The following DCDC1 variants were observed in gnomAD, a reference collection of about 807,000 sequenced individuals.
DCDC1 encodes doublecortin domain containing 1, also known as doublecortin domain-containing protein 1.
In DCDC1, 200 loss-of-function variants were observed where a neutral mutation model predicts 178.3. The observed-to-expected ratio is 1.12, with a 90% CI of 1.00 to 1.26. The LOEUF (loss-of-function observed/expected upper bound fraction) is 1.26. DCDC1 is among the 50% of genes most tolerant of loss of function. The pLI is 0.00. For missense variants in DCDC1, 1,983 were observed against 1,749.2 expected, an observed-to-expected ratio of 1.13 and a Z score of -2.38; for synonymous variants, 690 against 604.8, an observed-to-expected ratio of 1.14 and a Z score of -2.07.
chr11:31,217,113 A>G (rs1381736173), intron 9 of DCDC1, among the ~76,000 whole-genome samples: 3 of 152,098 alleles, frequency 2.0e-5, no homozygotes, highest in Admixed American at 6.5e-5. Flanking sequence ...CAACAGGGAG[A>G]GGGAGATGAT....
At chr11:30,950,897 G>A (rs1455844400) in intron 21 of DCDC1, among the ~76,000 whole-genome samples, 2 of 151,988 alleles carry the variant, frequency 1.3e-5, no homozygotes, top group African/African-American at 2.4e-5. Context: ...AATGCTTGAG[G>A]TGATGGATAC....
chr11:31,327,001 A>G (rs148107960), intron 3 of DCDC1, among the ~76,000 whole-genome samples: 1 of 152,164 alleles, frequency 6.6e-6, no homozygotes, highest in East Asian at 1.9e-4. Context: ...CAGTTCTGAT[A>G]AATGCTGTAG....
rs533289515 is a variant in DCDC1, at chr11:30,936,180, T to C, written c.2716-4228A>G. Among the ~76,000 whole-genome samples the C allele has an allele frequency of 1.9e-3, 283 of 152,268 alleles. 2 individuals are homozygous for C. Among genetic ancestry groups the C allele is most frequent in the African/African-American group, 6.7e-3 (277 of 41,554 alleles). On this transcript the variant is annotated intron_variant, in intron 21 of 38. Transcript: ENST00000684477. ...CTGAGGGATGACAGGGTGGAGGATA[T>C]GGCCAGTATATAATTTCTTAAAAAT...
At chr11:30,932,950 A>C (rs1381920187) in intron 21 of DCDC1, among the ~76,000 whole-genome samples, 1 of 151,672 alleles carries the variant, frequency 6.6e-6, no homozygotes, top group Non-Finnish European at 1.5e-5. Flanking sequence ...GGAAGGGATG[A>C]TCAGTGATGA....
intron 1 of DCDC1, among the ~76,000 whole-genome samples, chr11:31,350,718 A>G (rs1364943578): frequency 1.3e-5 from 2 of 152,124 alleles, no homozygotes; most frequent in African/African-American, 4.8e-5. Context: ...CTTAACAGGT[A>G]ATATGTGACA....
Position 31,066,780 on chromosome 11 carries a change from T to A in DCDC1, c.2299-1627A>T, listed in dbSNP as rs189897056. 2.6e-4 allele frequency among the ~76,000 whole-genome samples: 39 copies of A among 152,258 alleles called. No homozygotes were observed. The East Asian group carries it at 7.1e-3, about 28-fold the overall frequency. On this transcript the variant is annotated intron_variant, in intron 18 of 38. Coordinates refer to ENST00000684477, the MANE Select transcript of DCDC1 (RefSeq NM_001387274.1). Reference sequence around the variant, plus strand: ...TAAACTATTCTGTATAATACTATAATGGTGGATATATGTCATTATACATTA... The same window carrying A: ...TAAACTATTCTGTATAATACTATAAAGGTGGATATATGTCATTATACATTA...
At chr11:31,277,972 T>C (rs1316961891) in intron 7 of DCDC1, among the ~76,000 whole-genome samples, 1 of 152,146 alleles carries the variant, frequency 6.6e-6, no homozygotes, top group African/African-American at 2.4e-5. Flanking sequence ...AATATTTGCC[T>C]ACCCAAGGTT....
At chr11:31,038,359 T>C (rs1408815864) in intron 20 of DCDC1, among the ~76,000 whole-genome samples, 1 of 152,198 alleles carries the variant, frequency 6.6e-6, no homozygotes, top group Non-Finnish European at 1.5e-5. Context: ...TTTATTTTCT[T>C]GATTGCTTAC....
chr11:31,135,197 G>T (rs1962977239), intron 10 of DCDC1, among the ~76,000 whole-genome samples: 1 of 152,104 alleles, frequency 6.6e-6, no homozygotes. Context: ...TGGGTTTTGA[G>T]AATTATCTAA....
At chr11:31,341,381 T>TGA (rs1950528476) in intron 1 of DCDC1, among the ~76,000 whole-genome samples, 1 of 116,366 alleles carries the variant, frequency 8.6e-6, no homozygotes, top group African/African-American at 3.5e-5. Context: ...AATTCCAGTT[T>TGA]TATAGATAGA....
At chr11:30,897,582 CAAA>C (rs35815662) in intron 34 of DCDC1, among the ~76,000 whole-genome samples, 11 of 72,950 alleles carry the variant, frequency 1.5e-4, no homozygotes, top group African/African-American at 4.9e-4. Context: ...GACTCCGTCT[CAAA>C]AAAAAAAAAA....
At position 31,321,770 on chromosome 11, in the gene DCDC1, T is replaced by C. The variant is rs113969195; in HGVS notation, c.164+6347A>G. ...TCAAAAAATAAATATTTAATAAATG[T>C]TGATCTCAACTCAGAACTTACATTT... On this transcript the variant is annotated intron_variant, in intron 3 of 38. Coordinates refer to ENST00000684477, the MANE Select transcript of DCDC1 (RefSeq NM_001387274.1). 2.1e-3 allele frequency among the ~76,000 whole-genome samples: 320 copies of C among 152,352 alleles called. 2 individuals are homozygous for C. Among genetic ancestry groups the C allele is most frequent in the African/African-American group, 7.3e-3 (303 of 41,588 alleles).
In DCDC1 at chr11:31,262,931, G is replaced by C. The variant is rs567321765; in HGVS notation, c.1054+2576C>G. The C allele has an allele frequency of 3.9e-5, 40 of 1,037,248 alleles. No individual in the cohort carries two copies. The Middle Eastern group carries it at 6.4e-4, about 17-fold the overall frequency. The allele number at this position is 1,037,248 out of a possible 1,614,324, so 64.3% of individuals were successfully genotyped here. On this transcript the variant is annotated intron_variant, in intron 8 of 38. Transcript: ENST00000684477. Reference sequence around the variant, plus strand: ...CACAGGCTAATTTCAGCTGGCATAAGCTTTTATAAGGATGCAAAAACAGAG... The same window carrying C: ...CACAGGCTAATTTCAGCTGGCATAACCTTTTATAAGGATGCAAAAACAGAG...
intron 11 of DCDC1, among the ~76,000 whole-genome samples, chr11:31,114,983 A>T (rs886578318): frequency 3.9e-5 from 6 of 152,150 alleles, no homozygotes; most frequent in Admixed American, 6.6e-5. Context: ...TATTAGCAGG[A>T]CTGGAAAATA....
intron 18 of DCDC1, among the ~76,000 whole-genome samples, chr11:31,071,648 A>G (rs1395155718): frequency 6.6e-6 from 1 of 152,156 alleles, no homozygotes; most frequent in Non-Finnish European, 1.5e-5. Context: ...ATTCAGTCAC[A>G]TCATGGCCCT....
chr11:31,312,669 C>T (rs1335973496), intron 3 of DCDC1: 25 of 152,194 alleles, frequency 1.6e-4, no homozygotes, highest in Non-Finnish European at 1.5e-5. Flanking sequence ...GTTCTGGTCA[C>T]TCTTGTTTCT....
At chr11:31,354,982 T>G (rs1411862843) in intron 1 of DCDC1, among the ~76,000 whole-genome samples, 1 of 151,908 alleles carries the variant, frequency 6.6e-6, no homozygotes, top group African/African-American at 2.4e-5. Flanking sequence ...TTAATTCAAC[T>G]AAGTGGTGTT....
In DCDC1 at chr11:31,041,528, G is replaced by A. The variant is rs1024333094; in HGVS notation, c.2591+22941C>T. ...CAAAATATTCAGATGAAAAAGTGGAGACAGAAAGATTAAGTAAATAGGCCA... is the reference window on the plus strand; with the variant it reads ...CAAAATATTCAGATGAAAAAGTGGAAACAGAAAGATTAAGTAAATAGGCCA... On this transcript the variant is annotated intron_variant, in intron 20 of 38. Transcript: ENST00000684477. Among the ~76,000 whole-genome samples the A allele has an allele frequency of 6.6e-5, 10 of 152,286 alleles. No individual in the cohort carries two copies. In the South Asian group the frequency reaches 1.5e-3, roughly 22 times the overall value.
chr11:31,365,056 T>C (rs1471052914), intron 1 of DCDC1, among the ~76,000 whole-genome samples: 1 of 152,186 alleles, frequency 6.6e-6, no homozygotes, highest in Admixed American at 6.5e-5. Context: ...TCTGGCATAG[T>C]ACTTCCTACA....
Sources: gnomAD v4.1 joint callset for allele counts (sites outside exome capture counted in the v4.1 genomes callset) on GRCh38, gnomAD v4.1.1 for gene constraint, MANE v1.5 for transcripts, NCBI Gene and HGNC (gene_info 2026-07-23, HGNC 2026-07-21) for gene names.